DCC: variants seen among roughly 807,000 people sequenced by gnomAD.
The protein encoded by DCC is DCC netrin 1 receptor, also known as netrin receptor DCC.
In DCC, 58 loss-of-function variants were observed where a neutral mutation model predicts 172.5. The observed-to-expected ratio is 0.34, with a 90% CI of 0.27 to 0.42. The LOEUF (loss-of-function observed/expected upper bound fraction) is 0.42, where lower values mean the gene tolerates loss of function less well. Among genes scored for constraint, DCC ranks in the 10% least tolerant of loss-of-function variants. The probability of loss-of-function intolerance (pLI) is 1.00; values close to 1 mark genes in which losing one functional copy is unlikely to be tolerated. For synonymous variants in DCC, 709 were observed against 644.5 expected (o/e 1.10, Z -1.52); for missense variants, 1,740 against 1,791.0 (o/e 0.97, Z 0.51).
chr18:52,345,972 G>T (rs1393525710), intron 1 of DCC, among the ~76,000 whole-genome samples: 1 of 152,110 alleles, frequency 6.6e-6, no homozygotes, highest in Non-Finnish European at 1.5e-5. Flanking sequence ...TCCCCAAAAT[G>T]GTGTTACCAG....
Position 53,526,715 on chromosome 18 carries a change from G to A in DCC, c.4210G>A (p.Glu1404Lys), listed in dbSNP as rs374199141. 8.1e-6 allele frequency: 13 copies of A among 1,613,430 alleles called. No individual in the cohort carries two copies. Among genetic ancestry groups the A allele is most frequent in the Middle Eastern group, 1.6e-4 (1 of 6,078 alleles). Residue 1404 changes from glutamate to lysine, a missense_variant, in exon 28 of 29, where the codon GAA (glutamate) becomes AAA (lysine). By Grantham distance (56) the Glu-to-Lys change is moderately conservative. Around this residue, in one of 2 missense-constraint regions of DCC, gnomAD observed 1,732 missense variants for 1,767.4 expected, o/e 0.98. Coordinates refer to ENST00000442544, the MANE Select transcript of DCC (RefSeq NM_005215.4). ...TCCTGTGTCTGTGCCAACAGCCCCT[G>A]AAGTGTCTGAGGAGAGCCACAAACC... ...LLPVSVPTAP[E>K]VSEESHKPTE...
intron 7 of DCC, among the ~76,000 whole-genome samples, chr18:53,088,548 A>G (rs2042954061): frequency 1.3e-5 from 2 of 152,320 alleles, no homozygotes; most frequent in East Asian, 3.9e-4. Flanking sequence ...GTCGTCTGCA[A>G]ATAGAGACAC....
At chr18:53,234,346 T>C (rs571513186) in intron 12 of DCC, among the ~76,000 whole-genome samples, 3 of 152,158 alleles carry the variant, frequency 2.0e-5, no homozygotes, top group African/African-American at 7.2e-5. Context: ...GGAGAATCGC[T>C]TGAACCCAGG....
intron 5 of DCC, among the ~76,000 whole-genome samples, chr18:53,019,077 G>A (rs1055044591): frequency 1.3e-5 from 2 of 152,124 alleles, no homozygotes; most frequent in Admixed American, 6.5e-5. Flanking sequence ...GTTAAAATTG[G>A]CCGCTGACTG....
intron 2 of DCC, chr18:52,892,560 T>A (rs537426566): frequency 6.6e-6 from 1 of 152,284 alleles, no homozygotes; most frequent in South Asian, 2.1e-4. Flanking sequence ...TGTGTTGAGA[T>A]AAAAGATCAT....
intron 1 of DCC, among the ~76,000 whole-genome samples, chr18:52,621,111 C>A (rs141066892): frequency 5.3e-5 from 8 of 152,154 alleles, no homozygotes; most frequent in African/African-American, 1.9e-4. Flanking sequence ...GGCTGCTAGC[C>A]GCCAAATCCA....
At chr18:53,204,154 C>T (rs62099234) in intron 9 of DCC, among the ~76,000 whole-genome samples, 55,827 of 148,444 alleles carry the variant, frequency 0.38, 11,120 homozygotes, top group Non-Finnish European at 0.44. Flanking sequence ...ATTTGATTAA[C>T]AGGGTGCTAC....
intron 1 of DCC, among the ~76,000 whole-genome samples, chr18:52,631,473 G>C (rs2034674589): frequency 6.6e-6 from 1 of 152,186 alleles, no homozygotes; most frequent in African/African-American, 2.4e-5. Context: ...CTCTAGTAAG[G>C]TACTGTCCTT....
intron 5 of DCC, among the ~76,000 whole-genome samples, chr18:52,979,849 C>G (rs1303388908): frequency 6.6e-6 from 1 of 152,190 alleles, no homozygotes; most frequent in Non-Finnish European, 1.5e-5. Context: ...GGGAAGATGT[C>G]TTCAAATGAA....
chr18:52,870,886 A>G (rs2039308818), intron 2 of DCC, among the ~76,000 whole-genome samples: 1 of 152,128 alleles, frequency 6.6e-6, no homozygotes, highest in African/African-American at 2.4e-5. Context: ...AGCCAGCTTC[A>G]TATCACTTAG....
intron 2 of DCC, among the ~76,000 whole-genome samples, chr18:52,779,767 C>T (rs2037500017): frequency 6.6e-6 from 1 of 152,196 alleles, no homozygotes; most frequent in Non-Finnish European, 1.5e-5. Flanking sequence ...TACACTCCCA[C>T]CAACAGTGTA....
chr18:52,901,740 T>G (rs1244505981), intron 2 of DCC, among the ~76,000 whole-genome samples: 1 of 152,156 alleles, frequency 6.6e-6, no homozygotes, highest in Non-Finnish European at 1.5e-5. Flanking sequence ...CTTTCAAAAT[T>G]TGGATGTCTG....
intron 16 of DCC, among the ~76,000 whole-genome samples, chr18:53,388,054 A>G (rs967082949): frequency 6.6e-6 from 1 of 152,210 alleles, no homozygotes; most frequent in Non-Finnish European, 1.5e-5. Flanking sequence ...GGTGGTTTCA[A>G]AAACACCAGT....
At chr18:53,363,340 C>A (rs1206671822) in intron 15 of DCC, among the ~76,000 whole-genome samples, 2 of 152,092 alleles carry the variant, frequency 1.3e-5, no homozygotes, top group South Asian at 4.1e-4. Flanking sequence ...CAGAGATTTT[C>A]TTTTCTCTAA....
intron 13 of DCC, among the ~76,000 whole-genome samples, chr18:53,316,966 A>C (rs779695884): frequency 6.6e-6 from 1 of 152,252 alleles, no homozygotes; most frequent in Non-Finnish European, 1.5e-5. Flanking sequence ...TGCCCTGGCC[A>C]GAATTTCCAA....
chr18:52,969,712 T>A (rs2040998585), intron 5 of DCC, among the ~76,000 whole-genome samples: 1 of 152,028 alleles, frequency 6.6e-6, no homozygotes, highest in South Asian at 2.1e-4. Context: ...TCTTAATTGC[T>A]TATGTTTTCA....
At chr18:52,613,528 T>G (rs931263974) in intron 1 of DCC, among the ~76,000 whole-genome samples, 1 of 152,212 alleles carries the variant, frequency 6.6e-6, no homozygotes, top group Non-Finnish European at 1.5e-5. Flanking sequence ...GTGCTGGGAT[T>G]ACAGGGGTGA....
chr18:53,134,439 A>T (rs2043706560), intron 7 of DCC, among the ~76,000 whole-genome samples: 1 of 152,172 alleles, frequency 6.6e-6, no homozygotes, highest in African/African-American at 2.4e-5. Context: ...ATAAGCATAT[A>T]TAAATAACAT....
intron 2 of DCC, among the ~76,000 whole-genome samples, chr18:52,897,864 T>TAA (rs11444629): frequency 1.3e-5 from 2 of 151,832 alleles, no homozygotes; most frequent in Non-Finnish European, 2.9e-5. Flanking sequence ...AGTGGGAGAA[T>TAA]AAAAAAAGGG....
Sources: allele counts gnomAD v4.1 joint callset (sites outside exome capture counted in the v4.1 genomes callset), GRCh38; gene constraint gnomAD v4.1.1; regional missense constraint gnomAD v4.1.1; transcripts MANE v1.5; gene names NCBI Gene and HGNC (gene_info 2026-07-23, HGNC 2026-07-21).